Variants in GALNT5 observed in about 807,000 individuals in gnomAD.
GALNT5 encodes the protein UDP-GalNAc:polypeptide N-acetylgalactosaminyltransferase 5.
Under a neutral mutation model 85.4 loss-of-function variants are expected in GALNT5, and 72 were observed. That is an observed-to-expected ratio of 0.84 (90% CI 0.70 to 1.03). The LOEUF (loss-of-function observed/expected upper bound fraction) is 1.03. Ranked by LOEUF, GALNT5 falls within the 50% of genes least tolerant of loss-of-function variation. The pLI is 0.00. For missense variants in GALNT5, 1,137 were observed against 1,135.5 expected, an observed-to-expected ratio of 1.00 and a Z score of -0.02; for synonymous variants, 404 against 397.0, an observed-to-expected ratio of 1.02 and a Z score of -0.21.
chr2:157,282,191 G>T (rs1251165221), intron 1 of GALNT5, among the ~76,000 whole-genome samples: 1 of 152,078 alleles, frequency 6.6e-6, no homozygotes, highest in Non-Finnish European at 1.5e-5. Flanking sequence ...TCTGTCACTT[G>T]AACATTTAGG....
intron 3 of GALNT5, among the ~76,000 whole-genome samples, chr2:157,288,886 T>C (rs1683032408): frequency 6.6e-6 from 1 of 152,036 alleles, no homozygotes; most frequent in African/African-American, 2.4e-5. Flanking sequence ...ATTGTGCACA[T>C]GGAACGTATA....
At chr2:157,293,395 C>A (rs1472818960) in intron 3 of GALNT5, among the ~76,000 whole-genome samples, 1 of 152,128 alleles carries the variant, frequency 6.6e-6, no homozygotes, top group Non-Finnish European at 1.5e-5. Flanking sequence ...GAGCACTAAT[C>A]CTACTTAAGA....
chr2:157,268,760 T>C (rs1470818052), intron 1 of GALNT5, among the ~76,000 whole-genome samples: 1 of 151,568 alleles, frequency 6.6e-6, no homozygotes, highest in African/African-American at 2.4e-5. Context: ...AGAACTTGGA[T>C]TGGCTGCAGT....
chr2:157,281,402 T>C (rs1036885554), intron 1 of GALNT5, among the ~76,000 whole-genome samples: 4 of 152,128 alleles, frequency 2.6e-5, no homozygotes, highest in Non-Finnish European at 5.9e-5. Context: ...CACCAAGGAA[T>C]TCGCTAATAG....
Position 157,259,002 on chromosome 2 carries a change from C to G in GALNT5, c.920C>G (p.Ala307Gly), listed in dbSNP as rs977787949. 1 of 1,490,304 alleles carries G rather than the reference C, an allele frequency of 6.7e-7. No homozygotes were observed. Among genetic ancestry groups the G allele is most frequent in the Admixed American group, 2.3e-5 (1 of 43,228 alleles). 92.3% of individuals were successfully genotyped at this position (1,490,304 alleles called of 1,614,324 possible). The change falls in exon 1 of 10, where the codon GCT (alanine) becomes GGT (glycine). Residue 307 changes from alanine (A) to glycine (G), a missense_variant. Transcript: ENST00000259056. ...GGAAGTTTGTCAAAGGATGATGGAG[C>G]TAGAGGGGCTCATGGGAAGAAACTC... ...PLGSLSKDDG[A>G]RGAHGKKLNF... is the part of the protein sequence containing the mutation.
chr2:157,300,785 A>G lies in GALNT5; in HGVS notation c.2225A>G (p.Glu742Gly). The G allele has an allele frequency of 2.5e-6, 4 of 1,614,084 alleles. No individual in the cohort carries two copies. The highest frequency in any genetic ancestry group is 3.4e-6 in the Non-Finnish European group (4 of 1,179,958). Reference sequence around the variant, plus strand: ...CCCAAAGACCGGATGAAGACAGTGGAGCGGAACTTGGTGCGGGTTGCCGAG... The same window carrying G: ...CCCAAAGACCGGATGAAGACAGTGGGGCGGAACTTGGTGCGGGTTGCCGAG... ...SFPKDRMKTV[E>G]RNLVRVAEVW... Residue 742 changes from glutamate (E) to glycine (G), a missense_variant, in exon 7 of 10, where the codon GAG (glutamate) becomes GGG (glycine). Glu to Gly is a moderately conservative substitution (Grantham distance 98, BLOSUM62 -2). Transcript: ENST00000259056.
At position 157,305,842 on chromosome 2, in the gene GALNT5, G is replaced by A. The variant is rs748034337; in HGVS notation, c.2520+13G>A. 6.7e-7 allele frequency: 1 copy of A among 1,483,542 alleles called. No individual in the cohort carries two copies. 91.9% of individuals were successfully genotyped at this position (1,483,542 alleles called of 1,614,324 possible). On this transcript the variant is annotated intron_variant, in intron 8 of 9. Transcript: ENST00000259056. Reference sequence around the variant, plus strand: ...TGGGAGCAAAGAGGTATGCTAAACTGTTTTCTATCTCATGGTAGCTGATAG... The same window carrying A: ...TGGGAGCAAAGAGGTATGCTAAACTATTTTCTATCTCATGGTAGCTGATAG...
At chr2:157,296,987 A>G (rs1189734761) in intron 5 of GALNT5, among the ~76,000 whole-genome samples, 3 of 152,218 alleles carry the variant, frequency 2.0e-5, no homozygotes, top group Admixed American at 2.0e-4. Flanking sequence ...TTGATTCAGA[A>G]GCTGGATATG....
At chr2:157,301,028 A>G in intron 7 of GALNT5, 29 bp downstream of exon 7, 1 of 1,506,934 alleles carries the variant, frequency 6.6e-7, no homozygotes, top group Non-Finnish European at 9.1e-7. Flanking sequence ...TTAAAATCTT[A>G]CTCCATAAAA....
chr2:157,271,272 G>C (rs1428904533), intron 1 of GALNT5, among the ~76,000 whole-genome samples: 1 of 152,228 alleles, frequency 6.6e-6, no homozygotes, highest in Non-Finnish European at 1.5e-5. Context: ...TCAGGGAACT[G>C]AAAGAAGGCC....
chr2:157,290,097 A>ATGTG (rs1172983641), intron 3 of GALNT5, among the ~76,000 whole-genome samples: 1 of 143,860 alleles, frequency 7.0e-6, no homozygotes, highest in African/African-American at 2.8e-5. Context: ...GTATATATAT[A>ATGTG]TATATATATA....
chr2:157,265,827 G>C (rs559280545), intron 1 of GALNT5, among the ~76,000 whole-genome samples: 1 of 151,936 alleles, frequency 6.6e-6, no homozygotes, highest in African/African-American at 2.4e-5. Flanking sequence ...GAGCTTTTTA[G>C]AGTCTCCTGG....
chr2:157,292,849 G>GCA (rs368669204), intron 3 of GALNT5, among the ~76,000 whole-genome samples: 1 of 151,972 alleles, frequency 6.6e-6, no homozygotes, highest in African/African-American at 2.4e-5. Flanking sequence ...GGGGCTACAG[G>GCA]CACACACACA....
At chr2:157,265,563 G>GA (rs1682439302) in intron 1 of GALNT5, among the ~76,000 whole-genome samples, 1 of 152,208 alleles carries the variant, frequency 6.6e-6, no homozygotes, top group Admixed American at 6.5e-5. Flanking sequence ...GCAGGAATTT[G>GA]AAAGAAGTAT....
Position 157,288,905 on chromosome 2 carries a change from C to T in GALNT5, c.1741+2771C>T, listed in dbSNP as rs370767912. ...TGCACATGGAACGTATAGGACTTGC[C>T]GTCAGATAAGATGTGAAGAGAATAA... On this transcript the variant is annotated intron_variant, in intron 3 of 9. Transcript: ENST00000259056. Among the ~76,000 whole-genome samples the T allele has an allele frequency of 4.3e-4, 66 of 152,068 alleles. 2 individuals are homozygous for T. The highest frequency in any genetic ancestry group is 1.5e-3 in the East Asian group (8 of 5,166).
chr2:157,286,203 G>GC, intron 3 of GALNT5, 69 bp downstream of exon 3: 1 of 1,330,930 alleles, frequency 7.5e-7, no homozygotes. Context: ...CAAACATACA[G>GC]CAAATGTGAA....
Position 157,300,337 on chromosome 2 carries a change from C to T in GALNT5, c.2116-339C>T, listed in dbSNP as rs144537278. On this transcript the variant is annotated intron_variant, in intron 6 of 9. Coordinates refer to ENST00000259056, the MANE Select transcript of GALNT5 (RefSeq NM_014568.3). ...CTTCCCAAAAATGAGAGTAGAGGAA[C>T]GTGAACAAATGGACATCTATACTTC... Among the ~76,000 whole-genome samples the T allele has an allele frequency of 1.1e-4, 16 of 152,146 alleles. No individual in the cohort carries two copies. In the East Asian group the frequency reaches 1.9e-3, roughly 18 times the overall value.
At chr2:157,266,537 ATG>A (rs1413339485) in intron 1 of GALNT5, among the ~76,000 whole-genome samples, 4 of 152,110 alleles carry the variant, frequency 2.6e-5, no homozygotes, top group African/African-American at 7.2e-5. Context: ...TCAGTCAGTG[ATG>A]TGTGTGTATG....
Position 157,305,687 on chromosome 2 carries a change from T to C in GALNT5, c.2440-62T>C. ...TTATATTCTGTATTTTCTAAATGTG[T>C]CTGAATGTCTTGTTTTACTTTAAAA... On this transcript the variant is annotated intron_variant, in intron 7 of 9. Transcript: ENST00000259056. 2.3e-5 allele frequency: 21 copies of C among 915,514 alleles called. No individual in the cohort carries two copies. The South Asian group carries it at 2.8e-4, about 12-fold the overall frequency. 56.7% of individuals were successfully genotyped at this position (915,514 alleles called of 1,614,324 possible).
Sources: allele counts gnomAD v4.1 joint callset (sites outside exome capture counted in the v4.1 genomes callset), GRCh38; gene constraint gnomAD v4.1.1; transcripts MANE v1.5; gene names NCBI Gene and HGNC (gene_info 2026-07-23, HGNC 2026-07-21).